IPCEF1: variants seen among roughly 807,000 people sequenced by gnomAD.
The protein encoded by IPCEF1 is interaction protein for cytohesin exchange factors 1.
IPCEF1 carries 31 observed loss-of-function variants against 50.9 expected under a neutral mutation model. That is an observed-to-expected ratio of 0.61 (90% CI 0.46 to 0.82). IPCEF1 has a LOEUF of 0.82. Among genes scored for constraint, IPCEF1 ranks in the 40% least tolerant of loss-of-function variants. IPCEF1 has a pLI of 0.00. For missense variants in IPCEF1, 458 were observed against 514.0 expected, an observed-to-expected ratio of 0.89 and a Z score of 1.05; for synonymous variants, 181 against 192.0, an observed-to-expected ratio of 0.94 and a Z score of 0.47.
At chr6:154,338,148 T>A (rs2128696497) in intron 1 of IPCEF1, among the ~76,000 whole-genome samples, 1 of 152,382 alleles carries the variant, frequency 6.6e-6, no homozygotes, top group Non-Finnish European at 1.5e-5. Flanking sequence ...TCTATTGATC[T>A]TCTGCTCCTT....
chr6:154,208,628 T>C (rs925597224), intron 9 of IPCEF1, among the ~76,000 whole-genome samples: 5 of 152,250 alleles, frequency 3.3e-5, no homozygotes, highest in Admixed American at 2.0e-4. Context: ...ACTTCTTGAA[T>C]GAATGAATAT....
chr6:154,265,517 G>A (rs182660730), intron 3 of IPCEF1, among the ~76,000 whole-genome samples: 56 of 152,132 alleles, frequency 3.7e-4, no homozygotes, highest in African/African-American at 1.3e-3. Context: ...CTGACCTTGT[G>A]ATCTGCCCTC....
At chr6:154,220,486 C>A (rs1778775435) in intron 7 of IPCEF1, among the ~76,000 whole-genome samples, 1 of 151,962 alleles carries the variant, frequency 6.6e-6, no homozygotes, top group Admixed American at 6.6e-5. Flanking sequence ...GTGAAACCCA[C>A]AAGAAACACA....
At chr6:154,224,992 T>A (rs760380492) in intron 5 of IPCEF1, among the ~76,000 whole-genome samples, 8 of 152,294 alleles carry the variant, frequency 5.3e-5, no homozygotes, top group Non-Finnish European at 1.2e-4. Context: ...CAAAAAAGTA[T>A]AGTTTTGAAA....
Position 154,158,638 on chromosome 6 carries a change from T to G in IPCEF1, c.*1190A>C, listed in dbSNP as rs2128545145. ...CATGCCCCATTTTTTTCCCACAAGA[T>G]TTCCTGAGCATTCCTCAGACACAGT... On this transcript the variant is annotated 3_prime_UTR_variant, in exon 12 of 12. Transcript: ENST00000367220. 1 of 152,266 alleles carries G rather than the reference T, an allele frequency of 6.6e-6. No homozygotes were observed. The highest frequency in any genetic ancestry group is 6.5e-5 in the Admixed American group (1 of 15,296). The allele number at this position is 152,266 out of a possible 1,614,324, so 9.4% of individuals were successfully genotyped here.
At chr6:154,209,165 T>A (rs1583803776) in intron 9 of IPCEF1, among the ~76,000 whole-genome samples, 1 of 152,238 alleles carries the variant, frequency 6.6e-6, no homozygotes, top group Non-Finnish European at 1.5e-5. Context: ...GATTTTAAAT[T>A]TTTTTGAATT....
intron 1 of IPCEF1, among the ~76,000 whole-genome samples, chr6:154,338,849 G>A (rs1783844925): frequency 1.3e-5 from 2 of 152,142 alleles, no homozygotes; most frequent in Non-Finnish European, 1.5e-5. Context: ...TTGAGCCCGG[G>A]AGGTGGAGGT....
chr6:154,326,419 TCAA>T (rs923283331), intron 1 of IPCEF1, among the ~76,000 whole-genome samples: 1 of 151,916 alleles, frequency 6.6e-6, no homozygotes, highest in African/African-American at 2.4e-5. Flanking sequence ...TTCCTATACA[TCAA>T]CAACAGGCAA....
chr6:154,331,756 A>G (rs1226461682), intron 1 of IPCEF1, among the ~76,000 whole-genome samples: 1 of 152,140 alleles, frequency 6.6e-6, no homozygotes, highest in Non-Finnish European at 1.5e-5. Flanking sequence ...TCAAATGAGC[A>G]TTCATACAGC....
chr6:154,199,055 T>TTATTAAC (rs1293308399), intron 10 of IPCEF1, among the ~76,000 whole-genome samples: 2 of 152,238 alleles, frequency 1.3e-5, no homozygotes, highest in East Asian at 3.8e-4. Flanking sequence ...AAACCTCATA[T>TTATTAAC]TATTAACTTC....
intron 1 of IPCEF1, among the ~76,000 whole-genome samples, chr6:154,351,650 G>A (rs1784121717): frequency 6.6e-6 from 1 of 152,150 alleles, no homozygotes; most frequent in African/African-American, 2.4e-5. Context: ...GTAGACCACA[G>A]GCTCAGAGAC....
At chr6:154,355,581 C>T (rs536166345) in intron 1 of IPCEF1, among the ~76,000 whole-genome samples, 13 of 151,814 alleles carry the variant, frequency 8.6e-5, no homozygotes, top group African/African-American at 3.1e-4. Flanking sequence ...CTCCGCTTCC[C>T]GGGTTCAAGC....
At chr6:154,188,078 A>G (rs1801539693) in intron 10 of IPCEF1, among the ~76,000 whole-genome samples, 1 of 152,248 alleles carries the variant, frequency 6.6e-6, no homozygotes, top group Non-Finnish European at 1.5e-5. Context: ...AAGCAAAACC[A>G]TTATCATTTG....
chr6:154,224,730 A>AC (rs921056027), intron 5 of IPCEF1, among the ~76,000 whole-genome samples: 13 of 152,062 alleles, frequency 8.5e-5, no homozygotes, highest in African/African-American at 2.9e-4. Context: ...AAACAAACAA[A>AC]AAAAAGAGAT....
intron 2 of IPCEF1, among the ~76,000 whole-genome samples, chr6:154,285,836 C>G (rs529569391): frequency 6.6e-6 from 1 of 152,112 alleles, no homozygotes; most frequent in Admixed American, 6.6e-5. Flanking sequence ...TGGCCCCACA[C>G]GTTTCTGTAC....
chr6:154,194,137 T>A (rs1169575022), intron 10 of IPCEF1, among the ~76,000 whole-genome samples: 1 of 152,162 alleles, frequency 6.6e-6, no homozygotes, highest in African/African-American at 2.4e-5. Flanking sequence ...CGGTGGCTCA[T>A]GCCTGTAATC....
chr6:154,329,099 A>C (rs76071413), intron 1 of IPCEF1, among the ~76,000 whole-genome samples: 1 of 152,210 alleles, frequency 6.6e-6, no homozygotes, highest in East Asian at 1.9e-4. Flanking sequence ...GGACACAGGA[A>C]AAAAAGTTTT....
At chr6:154,171,089 T>A (rs993264063) in intron 10 of IPCEF1, among the ~76,000 whole-genome samples, 11 of 152,160 alleles carry the variant, frequency 7.2e-5, no homozygotes, top group African/African-American at 2.7e-4. Flanking sequence ...GAGTTTAGCA[T>A]GTGCCCCAGC....
chr6:154,209,753 A>G (rs1046929301), intron 9 of IPCEF1, among the ~76,000 whole-genome samples: 9 of 152,110 alleles, frequency 5.9e-5, no homozygotes, highest in African/African-American at 2.2e-4. Flanking sequence ...TTTCAGAAAG[A>G]GAAGAAAACA....
Sources: gnomAD v4.1 joint callset for allele counts (sites outside exome capture counted in the v4.1 genomes callset) on GRCh38, gnomAD v4.1.1 for gene constraint, MANE v1.5 for transcripts, NCBI Gene and HGNC (gene_info 2026-07-23, HGNC 2026-07-21) for gene names.